LSM7: variants seen among roughly 807,000 people sequenced by gnomAD.
The protein encoded by LSM7 is U6 snRNA-associated Sm-like protein LSm7.
A neutral mutation model predicts 14.1 loss-of-function variants in LSM7; 13 were observed. The ratio of observed to expected loss-of-function variants is 0.92; its 90% confidence interval spans 0.60 to 1.47. The LOEUF (loss-of-function observed/expected upper bound fraction) is 1.47. LSM7 is among the 40% of genes most tolerant of loss of function. The probability of loss-of-function intolerance (pLI) is 0.00; values close to 1 mark genes in which losing one functional copy is unlikely to be tolerated. For synonymous variants in LSM7, 70 were observed against 57.1 expected, an observed-to-expected ratio of 1.23 and a Z score of -1.02; for missense variants, 108 against 140.8, an observed-to-expected ratio of 0.77 and a Z score of 1.18.
chr19:2,328,530 C>G (rs765710159), intron 1 of LSM7, 31 bp downstream of exon 1: 4 of 1,607,208 alleles, frequency 2.5e-6, no homozygotes, highest in Non-Finnish European at 2.5e-6. Context: ...AGCTCCACGC[C>G]CCCCGGCTCC....
intron 2 of LSM7, among the ~76,000 whole-genome samples, chr19:2,327,445 G>A (rs1230918848): frequency 6.6e-6 from 1 of 152,088 alleles, no homozygotes; most frequent in Non-Finnish European, 1.5e-5. Context: ...GTTTCACCAC[G>A]TAGGCCAGGA....
chr19:2,321,617 G>A lies in LSM7; in HGVS notation c.*63C>T. The A allele has an allele frequency of 7.5e-7, 1 of 1,340,696 alleles. No homozygotes were observed. The highest frequency in any genetic ancestry group is 9.6e-7 in the Non-Finnish European group (1 of 1,042,038). The allele number at this position is 1,340,696 out of a possible 1,614,324, so 83.0% of individuals were successfully genotyped here. ...AGGCGGTACTGCGGTGGGAGCAGCA[G>A]CCAAGTCCGCGGGAAACCGAGCTGC... On this transcript the variant is annotated 3_prime_UTR_variant, in exon 4 of 4. Transcript: ENST00000252622. The surrounding 1 kb of genome is among the most constrained non-coding windows in gnomAD (Gnocchi z 5.0).
At chr19:2,322,724 T>C (rs571642733) in intron 3 of LSM7, among the ~76,000 whole-genome samples, 73 of 152,144 alleles carry the variant, frequency 4.8e-4, no homozygotes, top group Non-Finnish European at 4.6e-4. Context: ...TTTTTAAACT[T>C]TTTTTCAGAC....
chr19:2,324,036 C>A, intron 3 of LSM7, 89 bp downstream of exon 3: 2 of 908,632 alleles, frequency 2.2e-6, no homozygotes, highest in Admixed American at 2.2e-5. Flanking sequence ...GGCTGCCCCC[C>A]TCGTCCCACT....
chr19:2,327,404 A>G (rs10427098), intron 2 of LSM7, among the ~76,000 whole-genome samples: 107,250 of 151,894 alleles, frequency 0.71, 38,783 homozygotes, highest in Non-Finnish European at 0.79. Context: ...CACCATGCCC[A>G]GCTAACTTTT....
intron 2 of LSM7, among the ~76,000 whole-genome samples, chr19:2,327,367 C>G (rs547225418): frequency 6.6e-6 from 1 of 151,922 alleles, no homozygotes; most frequent in Non-Finnish European, 1.5e-5. Context: ...CTCAGCCCCC[C>G]GAGTAGCTGG....
intron 2 of LSM7, chr19:2,325,002 CA>C (rs1967992838): frequency 1.3e-5 from 2 of 152,298 alleles, no homozygotes. Context: ...TCACGGAATA[CA>C]AAAGAACAAA....
intron 2 of LSM7, among the ~76,000 whole-genome samples, chr19:2,327,697 C>T (rs1968061032): frequency 6.6e-6 from 1 of 152,174 alleles, no homozygotes; most frequent in African/African-American, 2.4e-5. Flanking sequence ...CCGCCCCGTC[C>T]GGCTGGGGCA....
intron 3 of LSM7, among the ~76,000 whole-genome samples, chr19:2,322,440 C>T (rs543899052): frequency 6.6e-6 from 1 of 152,272 alleles, no homozygotes; most frequent in Admixed American, 6.5e-5. Flanking sequence ...ACTCGGGAGG[C>T]TGAGGCAGGA....
intron 2 of LSM7, chr19:2,326,272 C>T (rs1192860173): frequency 1.3e-5 from 2 of 151,702 alleles, no homozygotes; most frequent in African/African-American, 4.9e-5. Context: ...GGCCTGACTG[C>T]ATCAGGTGAG....
chr19:2,327,300 G>A (rs990908073), intron 2 of LSM7, among the ~76,000 whole-genome samples: 4 of 152,024 alleles, frequency 2.6e-5, no homozygotes, highest in African/African-American at 4.8e-5. Context: ...TTGCCCTATC[G>A]CCAGGCTGGA....
intron 2 of LSM7, among the ~76,000 whole-genome samples, chr19:2,325,283 G>A (rs1028042514): frequency 6.6e-6 from 1 of 152,086 alleles, no homozygotes; most frequent in African/African-American, 2.4e-5. Context: ...CCCCAGCAGA[G>A]GCCAGCCCAC....
Position 2,321,675 on chromosome 19 carries a change from C to A in LSM7, c.*5G>T. 2 of 1,508,958 alleles carry A rather than the reference C, an allele frequency of 1.3e-6. No homozygotes were observed. The highest frequency in any genetic ancestry group is 2.6e-5 in the East Asian group (1 of 39,196). The allele number at this position is 1,508,958 out of a possible 1,614,324, so 93.5% of individuals were successfully genotyped here. On this transcript the variant is annotated 3_prime_UTR_variant, in exon 4 of 4. Transcript: ENST00000252622. This position sits in a 1 kb window ranked among gnomAD's most constrained non-coding sequence, Gnocchi z 5.0. ...TGCCCTGCACCCCCCGCGCCCCCGG[C>A]CAGGCTAGGCGTCCTGCTGCTGGAT...
intron 2 of LSM7, among the ~76,000 whole-genome samples, chr19:2,326,310 TTTTGTG>T (rs1179619644): frequency 0.018 from 1,752 of 99,726 alleles, 12 homozygotes; most frequent in Middle Eastern, 0.045. Context: ...CCTTTCTGCT[TTTTGTG>T]TGTGTGTGTG....
Position 2,321,591 on chromosome 19 carries a change from G to T in LSM7, c.*89C>A. On this transcript the variant is annotated 3_prime_UTR_variant, in exon 4 of 4. Transcript: ENST00000252622. This position sits in a 1 kb window ranked among gnomAD's most constrained non-coding sequence, Gnocchi z 5.0. ...AAAAAGGAAAATGCTTCCGTTCCAGGAGGCGGTACTGCGGTGGGAGCAGCA... is the reference window on the plus strand; with the variant it reads ...AAAAAGGAAAATGCTTCCGTTCCAGTAGGCGGTACTGCGGTGGGAGCAGCA... The T allele has an allele frequency of 1.1e-5, 14 of 1,244,862 alleles. No individual in the cohort carries two copies. The South Asian group carries it at 3.1e-4, about 28-fold the overall frequency. 77.1% of individuals were successfully genotyped at this position (1,244,862 alleles called of 1,614,324 possible). A position where few individuals can be genotyped will look rare whatever the true frequency, so the allele number is the denominator to read the frequency against.
rs1967949688 is a variant in LSM7, at chr19:2,322,492, G to C, written c.170-670C>G. Among the ~76,000 whole-genome samples the C allele has an allele frequency of 2.6e-5, 4 of 152,186 alleles. 1 individual carries two copies. The highest frequency in any genetic ancestry group is 2.6e-4 in the Admixed American group (4 of 15,286). The stretch of plus-strand genomic sequence containing the variant: ...GGAGGCGGAGCTTGCAGTGAGCCGA[G>C]ATCGCGCCACTGCACTCCAGCCTGG... On this transcript the variant is annotated intron_variant, in intron 3 of 3. Transcript: ENST00000252622.
At chr19:2,324,350 G>A (rs1044506034) in intron 2 of LSM7, 154 bp from the exon 3 acceptor site, 43 of 631,836 alleles carry the variant, frequency 6.8e-5, no homozygotes, top group Middle Eastern at 2.6e-4. Flanking sequence ...GATGACAGCC[G>A]CCTCCAGAGT....
At chr19:2,323,564 C>T (rs563236389) in intron 3 of LSM7, among the ~76,000 whole-genome samples, 6 of 152,266 alleles carry the variant, frequency 3.9e-5, no homozygotes, top group East Asian at 3.9e-4. Context: ...GATTCTCCTG[C>T]GTCAGCCTCC....
In LSM7 at chr19:2,321,580, T is replaced by C. The variant is rs1464596505; in HGVS notation, c.*100A>G. ...TCAACCTATACAAAAAGGAAAATGC[T>C]TCCGTTCCAGGAGGCGGTACTGCGG... On this transcript the variant is annotated 3_prime_UTR_variant, in exon 4 of 4. Transcript: ENST00000252622. This position sits in a 1 kb window ranked among gnomAD's most constrained non-coding sequence, Gnocchi z 5.0. 3 of 1,224,332 alleles carry C rather than the reference T, an allele frequency of 2.5e-6. No individual in the cohort carries two copies. The African/African-American group carries it at 4.7e-5, about 19-fold the overall frequency. 75.8% of individuals were successfully genotyped at this position (1,224,332 alleles called of 1,614,324 possible).
Sources: gnomAD v4.1 joint callset for allele counts (sites outside exome capture counted in the v4.1 genomes callset) on GRCh38, gnomAD v4.1.1 for gene constraint, Gnocchi (gnomAD v3.1) non-coding constraint, MANE v1.5 for transcripts, NCBI Gene and HGNC (gene_info 2026-07-23, HGNC 2026-07-21) for gene names.